ZFP36L2: variants seen among roughly 807,000 people sequenced by gnomAD.
ZFP36L2 encodes ZFP36 like 2 zinc finger CCCH-type.
In ZFP36L2, 16 loss-of-function variants were observed where a neutral mutation model predicts 27.9. The ratio of observed to expected loss-of-function variants is 0.57; its 90% CI spans 0.39 to 0.87. The LOEUF (loss-of-function observed/expected upper bound fraction) is 0.87, where lower values mean the gene tolerates loss of function less well. Among genes scored for constraint, ZFP36L2 ranks in the 40% least tolerant of loss-of-function variants. The pLI is 0.00. For synonymous variants in ZFP36L2, 600 were observed against 363.8 expected (o/e 1.65, Z -7.39); for missense variants, 989 against 726.9 (o/e 1.36, Z -4.15).
rs1181501306 is a variant in ZFP36L2, at chr2:43,222,684, A to G, written c.*1635T>C. On this transcript the variant is annotated 3_prime_UTR_variant, in exon 2 of 2. Transcript: ENST00000282388. ...CTTTCTACATGGAAAAAAAAATAGT[A>G]CAAGTTTTGGAATTTTCTGTAATTA... is the stretch of plus-strand genomic sequence containing the variant. The G allele has an allele frequency of 2.0e-5, 3 of 152,334 alleles. No homozygotes were observed. Among genetic ancestry groups the G allele is most frequent in the Non-Finnish European group, 4.4e-5 (3 of 68,048 alleles). 9.4% of individuals were successfully genotyped at this position (152,334 alleles called of 1,614,324 possible).
At position 43,225,253 on chromosome 2, in the gene ZFP36L2, C is replaced by A; in HGVS notation, c.551G>T (p.Arg184Leu). 1 of 1,610,082 alleles carries A rather than the reference C, an allele frequency of 6.2e-7. No homozygotes were observed. The highest frequency in any genetic ancestry group is 8.5e-7 in the Non-Finnish European group (1 of 1,179,934). ...GTACTTCGGATGGCGAGTCAGGCTGCGCAGCTCGTGGAAGCCATGCGCGAA... is the reference window on the plus strand; with the variant it reads ...GTACTTCGGATGGCGAGTCAGGCTGAGCAGCTCGTGGAAGCCATGCGCGAA... The part of the protein sequence containing the change: ...CQFAHGFHEL[R>L]SLTRHPKYKT... Residue 184 changes from arginine (R) to leucine (L), a missense_variant, in exon 2 of 2, where the codon CGC becomes CTC. Physicochemically the swap from Arg to Leu is moderately radical, Grantham distance 102. Transcript: ENST00000282388.
In ZFP36L2 at chr2:43,224,708, C is replaced by T. The variant is rs747734637; in HGVS notation, c.1096G>A (p.Gly366Ser). The change falls in exon 2 of 2, where the codon GGT becomes AGT. Residue 366 changes from glycine to serine, a missense_variant. Transcript: ENST00000282388. ...GTGATGAGGCTGCTGAGCTCCGGAC[C>T]GAAGGCGAAGGCGTTGTTGGCGCAC... ...ASCANNAFAF[G>S]PELSSLITPL... 2.0e-6 allele frequency: 3 copies of T among 1,533,280 alleles called. No individual in the cohort carries two copies. The highest frequency in any genetic ancestry group is 5.4e-5 in the East Asian group (2 of 36,836). The allele number at this position is 1,533,280 out of a possible 1,614,324, so 95.0% of individuals were successfully genotyped here. A position where few individuals can be genotyped will look rare whatever the true frequency, so the allele number is the denominator to read the frequency against.
rs971276266 is a variant in ZFP36L2, at chr2:43,224,483, G to T, written c.1321C>A (p.Pro441Thr). Residue 441 changes from proline to threonine, a missense_variant, in exon 2 of 2, where the codon CCC becomes ACC. Physicochemically the swap from Pro to Thr is conservative, Grantham distance 38 (BLOSUM62 -1). Transcript: ENST00000282388. ...FQLPRRLSDS[P>T]VFDAPPSPPD... ...GGGCTGGGGGGCGCGTCGAACACGG[G>T]CGAGTCGGACAGGCGGCGCGGCAGC... is the stretch of plus-strand genomic sequence containing the variant. 28 of 1,501,232 alleles carry T rather than the reference G, an allele frequency of 1.9e-5. No individual in the cohort carries two copies. The highest frequency in any genetic ancestry group is 2.2e-5 in the Non-Finnish European group (25 of 1,130,830). The allele number at this position is 1,501,232 out of a possible 1,614,324, so 93.0% of individuals were successfully genotyped here.
intron 1 of ZFP36L2, among the ~76,000 whole-genome samples, 156 bp downstream of exon 1, chr2:43,226,109 C>T (rs1002934517): frequency 2.0e-5 from 3 of 152,244 alleles, no homozygotes; most frequent in Admixed American, 6.5e-5. Context: ...TTGCCGCCCT[C>T]CCCGCCTCCA....
Position 43,224,729 on chromosome 2 carries a change from C to T in ZFP36L2, c.1075G>A (p.Ala359Thr). The T allele has an allele frequency of 3.3e-6, 5 of 1,525,446 alleles. No homozygotes were observed. The highest frequency in any genetic ancestry group is 1.9e-5 in the Admixed American group (1 of 51,476). The allele number at this position is 1,525,446 out of a possible 1,614,324, so 94.5% of individuals were successfully genotyped here. ...PCAACSSASC[A>T]NNAFAFGPEL... ...GGACCGAAGGCGAAGGCGTTGTTGGCGCACGAGGCCGACGAGCAGGCCGCG... is the reference window on the plus strand; with the variant it reads ...GGACCGAAGGCGAAGGCGTTGTTGGTGCACGAGGCCGACGAGCAGGCCGCG... Residue 359 changes from alanine to threonine, a missense_variant, in exon 2 of 2, where the codon GCC becomes ACC. Transcript: ENST00000282388.
At chr2:43,225,960 C>G (rs1391201771) in intron 1 of ZFP36L2, among the ~76,000 whole-genome samples, 1 of 152,052 alleles carries the variant, frequency 6.6e-6, no homozygotes, top group Non-Finnish European at 1.5e-5. Context: ...GGACGCCCAC[C>G]GTGGGCCGCG....
Position 43,225,354 on chromosome 2 carries a change from G to C in ZFP36L2, c.450C>G (p.Asn150Lys). ...ACAGCTCGGTCTTGTAGCGCGTGGAGTTGATCTGGGAGCCGCCGCCCCCCT... is the reference window on the plus strand; with the variant it reads ...ACAGCTCGGTCTTGTAGCGCGTGGACTTGATCTGGGAGCCGCCGCCCCCCT... ...QQKGGGGSQINSTRYKTELCR... is the reference protein window; with the variant it reads ...QQKGGGGSQIKSTRYKTELCR... The change falls in exon 2 of 2, where the codon AAC becomes AAG. Residue 150 changes from asparagine to lysine, a missense_variant. Coordinates refer to ENST00000282388, the MANE Select transcript of ZFP36L2 (RefSeq NM_006887.5). 1 of 1,613,506 alleles carries C rather than the reference G, an allele frequency of 6.2e-7. No individual in the cohort carries two copies. Among genetic ancestry groups the C allele is most frequent in the Non-Finnish European group, 8.5e-7 (1 of 1,179,990 alleles).
rs1189059492 is a variant in ZFP36L2 at position 43,226,398 on chromosome 2, C to A, written c.-83G>T. ...GGGCGGCGTGGCCGGGCTTGAGCCA[C>A]GACGAATAACGGGCGAGGGGCGGGG... On this transcript the variant is annotated 5_prime_UTR_variant, in exon 1 of 2. Transcript: ENST00000282388. 7 of 1,519,800 alleles carry A rather than the reference C, an allele frequency of 4.6e-6. No homozygotes were observed. Among genetic ancestry groups the A allele is most frequent in the Non-Finnish European group, 6.2e-6 (7 of 1,120,672 alleles). The allele number at this position is 1,519,800 out of a possible 1,614,324, so 94.1% of individuals were successfully genotyped here.
At position 43,224,907 on chromosome 2, in the gene ZFP36L2, G is replaced by C; in HGVS notation, c.897C>G (p.Cys299Trp). ...AGGAACAGGAGGAGGCGGAGGAGGA[G>C]CAGGACGAGGCCGAAGAGCAGGAGG... ...PPPSCSSASS[C>W]SSSASSCSSA... is the part of the protein sequence containing the mutation. Residue 299 changes from cysteine (C) to tryptophan (W), a missense_variant, in exon 2 of 2, where the codon TGC becomes TGG. Cys to Trp is a radical substitution (Grantham distance 215). Coordinates refer to ENST00000282388, the MANE Select transcript of ZFP36L2 (RefSeq NM_006887.5). 6.5e-7 allele frequency: 1 copy of C among 1,545,012 alleles called. No individual in the cohort carries two copies.
Position 43,225,493 on chromosome 2 carries a change from G to A in ZFP36L2, c.311C>T (p.Pro104Leu), listed in dbSNP as rs756018563. Residue 104 changes from proline (P) to leucine (L), a missense_variant, in exon 2 of 2, where the codon CCG becomes CTG. Coordinates refer to ENST00000282388, the MANE Select transcript of ZFP36L2 (RefSeq NM_006887.5). ...CAGGGCTGTGCCGCCGCCCCCCGAC[G>A]GCTCCTTAAGGGTGCCGTAGGAGGT... The part of the protein sequence containing the change: ...GPTSYGTLKE[P>L]SGGGGTALLN... The A allele has an allele frequency of 6.2e-7, 1 of 1,609,142 alleles. No individual in the cohort carries two copies. Among genetic ancestry groups the A allele is most frequent in the Admixed American group, 1.7e-5 (1 of 59,810 alleles).
Position 43,224,831 on chromosome 2 carries a change from C to A in ZFP36L2, c.973G>T (p.Ala325Ser). ...AGAGCGGCCGCAGCCGCGGCCGCCG[C>A]GGAGGCGCAGCATGTCGGGGCGCCC... ...PSGAPTCCASAAAAAAAALLY... is the reference protein window; with the variant it reads ...PSGAPTCCASSAAAAAAALLY... Residue 325 changes from alanine to serine, a missense_variant, in exon 2 of 2, where the codon GCG becomes TCG. Ala to Ser is a moderately conservative substitution (Grantham distance 99, BLOSUM62 1). Transcript: ENST00000282388. The A allele has an allele frequency of 7.0e-7, 1 of 1,432,472 alleles. No individual in the cohort carries two copies. 88.7% of individuals were successfully genotyped at this position (1,432,472 alleles called of 1,614,324 possible).
intron 1 of ZFP36L2, among the ~76,000 whole-genome samples, 171 bp from the exon 2 acceptor site, chr2:43,225,923 T>C (rs940346925): frequency 2.0e-5 from 3 of 151,886 alleles, no homozygotes; most frequent in African/African-American, 7.3e-5. Context: ...ACCAGCAAGA[T>C]CTTGCTGGAC....
At chr2:43,226,058 G>A (rs1355173817) in intron 1 of ZFP36L2, among the ~76,000 whole-genome samples, 1 of 152,124 alleles carries the variant, frequency 6.6e-6, no homozygotes, top group Admixed American at 6.5e-5. Context: ...CGTGGCCGCG[G>A]TCGGCAGTGG....
In ZFP36L2 at chr2:43,222,405, C is replaced by T. The variant is rs968453683; in HGVS notation, c.*1914G>A. 5 of 152,242 alleles carry T rather than the reference C, an allele frequency of 3.3e-5. No individual in the cohort carries two copies. The highest frequency in any genetic ancestry group is 1.9e-4 in the East Asian group (1 of 5,338). The allele number at this position is 152,242 out of a possible 1,614,324, so 9.4% of individuals were successfully genotyped here. The stretch of plus-strand genomic sequence containing the variant: ...AAAGAAAGCTCTTACATGTTAATAC[C>T]TTTTTTTCCCAAAAATTTTATTGGG... On this transcript the variant is annotated 3_prime_UTR_variant, in exon 2 of 2. Coordinates refer to ENST00000282388, the MANE Select transcript of ZFP36L2 (RefSeq NM_006887.5).
chr2:43,224,844 T>C lies in ZFP36L2; in HGVS notation c.960A>G (p.Thr320=). 2 of 1,457,536 alleles carry C rather than the reference T, an allele frequency of 1.4e-6. No individual in the cohort carries two copies. The highest frequency in any genetic ancestry group is 1.8e-6 in the Non-Finnish European group (2 of 1,117,718). The allele number at this position is 1,457,536 out of a possible 1,614,324, so 90.3% of individuals were successfully genotyped here. Residue 320 remains threonine (T), a synonymous_variant, in exon 2 of 2, where the codon ACA becomes ACG. Transcript: ENST00000282388. ...CCGCGGCCGCCGCGGAGGCGCAGCA[T>C]GTCGGGGCGCCCGAGGGCGTGGAGG... The part of the protein sequence containing the change: ...SAASTPSGAP[T]CCASAAAAAA...
At position 43,225,482 on chromosome 2, in the gene ZFP36L2, C is replaced by A; in HGVS notation, c.322G>T (p.Gly108Cys). The change falls in exon 2 of 2, where the codon GGC becomes TGC. Residue 108 changes from glycine to cysteine, a missense_variant. Physicochemically the swap from Gly to Cys is radical, Grantham distance 159. Coordinates refer to ENST00000282388, the MANE Select transcript of ZFP36L2 (RefSeq NM_006887.5). ...TCCTTGTTGAGCAGGGCTGTGCCGC[C>A]GCCCCCCGACGGCTCCTTAAGGGTG... is the stretch of plus-strand genomic sequence containing the variant. The part of the protein sequence containing the change: ...YGTLKEPSGG[G>C]GTALLNKENK... The A allele has an allele frequency of 1.2e-6, 2 of 1,610,688 alleles. No homozygotes were observed. The highest frequency in any genetic ancestry group is 1.7e-6 in the Non-Finnish European group (2 of 1,179,310).
chr2:43,224,230 C>A lies in ZFP36L2; in HGVS notation c.*89G>T. 7.3e-7 allele frequency: 1 copy of A among 1,363,826 alleles called. No homozygotes were observed. The highest frequency in any genetic ancestry group is 9.6e-7 in the Non-Finnish European group (1 of 1,040,634). 84.5% of individuals were successfully genotyped at this position (1,363,826 alleles called of 1,614,324 possible). ...AGGGCCCATGTCACCCCCCCCACTC[C>A]CGTGCCCCCAGCAAGGGCGAGATGG... is the stretch of plus-strand genomic sequence containing the variant. On this transcript the variant is annotated 3_prime_UTR_variant, in exon 2 of 2. Coordinates refer to ENST00000282388, the MANE Select transcript of ZFP36L2 (RefSeq NM_006887.5).
Position 43,224,736 on chromosome 2 carries a change from G to A in ZFP36L2, c.1068C>T (p.Ala356=), listed in dbSNP as rs756621987. Residue 356 remains alanine (A), a synonymous_variant, in exon 2 of 2, where the codon GCC becomes GCT. Transcript: ENST00000282388. ...PGAPCAACSS[A]SCANNAFAFG... is the part of the protein sequence containing the mutation. ...AGGCGAAGGCGTTGTTGGCGCACGA[G>A]GCCGACGAGCAGGCCGCGCACGGGG... The A allele has an allele frequency of 1.4e-5, 21 of 1,522,122 alleles. No individual in the cohort carries two copies. In the Admixed American group the frequency reaches 3.3e-4, roughly 24 times the overall value. The allele number at this position is 1,522,122 out of a possible 1,614,324, so 94.3% of individuals were successfully genotyped here.
chr2:43,226,526 G>C lies in ZFP36L2; in HGVS notation c.-211C>G. 1.8e-6 allele frequency: 1 copy of C among 569,404 alleles called. No homozygotes were observed. Among genetic ancestry groups the C allele is most frequent in the South Asian group, 2.2e-5 (1 of 44,940 alleles). The allele number at this position is 569,404 out of a possible 1,614,324, so 35.3% of individuals were successfully genotyped here. A position where few individuals can be genotyped will look rare whatever the true frequency, so the allele number is the denominator to read the frequency against. ...TGCGGCAGGGGGGAAGGAGAGAAGC[G>C]AGGAGCGCTCCTCCGCGCCCCGGGG... On this transcript the variant is annotated 5_prime_UTR_variant, in exon 1 of 2. Transcript: ENST00000282388.
Sources: gnomAD v4.1 joint callset for allele counts (sites outside exome capture counted in the v4.1 genomes callset) on GRCh38, gnomAD v4.1.1 for gene constraint, MANE v1.5 for transcripts, NCBI Gene and HGNC (gene_info 2026-07-23, HGNC 2026-07-21) for gene names.